CASP8: variants seen among roughly 807,000 people sequenced by gnomAD.
CASP8 encodes caspase-8.
A neutral mutation model predicts 46.3 loss-of-function variants in CASP8; 24 were observed. That is an observed-to-expected ratio of 0.52 (90% CI 0.38 to 0.73). The LOEUF (loss-of-function observed/expected upper bound fraction) is 0.73, where lower values mean the gene tolerates loss of function less well. Ranked by LOEUF, CASP8 falls within the 30% of genes least tolerant of loss-of-function variation. The pLI is 0.00. For missense variants in CASP8, 460 were observed against 559.0 expected (o/e 0.82, Z 1.79); for synonymous variants, 188 against 200.4 (o/e 0.94, Z 0.52).
intron 7 of CASP8, among the ~76,000 whole-genome samples, chr2:201,281,079 C>T (rs980839574): frequency 8.5e-5 from 13 of 152,066 alleles, no homozygotes; most frequent in African/African-American, 2.9e-4. Flanking sequence ...TTTGGGAGGC[C>T]AAGGTGGGTG....
upstream of CASP8, chr2:201,258,347 C>T (rs767472565): frequency 1.1e-5 from 17 of 1,613,844 alleles, no homozygotes; most frequent in Admixed American, 1.7e-5. Context: ...TTAGGGGACT[C>T]GGAGACTGCG....
At position 201,271,906 on chromosome 2, in the gene CASP8, A is replaced by C. The variant is rs13386521; in HGVS notation, c.411+285A>C. ...TGGGAAAGACTGCGGTGGGTCTGAG[A>C]TATTTCCTCCACTTCTGCAGTCCCC... On this transcript the variant is annotated intron_variant, in intron 3 of 8. Coordinates refer to ENST00000673742, the MANE Select transcript of CASP8 (RefSeq NM_001372051.1). Among the ~76,000 whole-genome samples the C allele has an allele frequency of 0.049, 7,530 of 152,234 alleles. 438 individuals carry two copies. The highest frequency in any genetic ancestry group is 0.14 in the South Asian group (659 of 4,824).
Position 201,285,051 on chromosome 2 carries a change from T to G in CASP8, c.1038T>G (p.Pro346=), listed in dbSNP as rs768360449. 2.5e-6 allele frequency: 4 copies of G among 1,614,186 alleles called. No homozygotes were observed. Among genetic ancestry groups the G allele is most frequent in the Non-Finnish European group, 3.4e-6 (4 of 1,180,028 alleles). ...LTSQFTGLKC[P]SLAGKPKVFF... is the part of the protein sequence containing the mutation. ...CTCAGTTCACTGGTTTGAAGTGCCC[T>G]TCCCTTGCTGGAAAACCCAAAGTGT... is the stretch of plus-strand genomic sequence containing the variant. Residue 346 remains proline (P), a synonymous_variant, in exon 8 of 9, where the codon CCT becomes CCG. Transcript: ENST00000673742.
chr2:201,258,348 GGAGACTGC>G (rs1174618078), upstream of CASP8: 2 of 1,613,858 alleles, frequency 1.2e-6, no homozygotes, highest in Non-Finnish European at 1.7e-6. Context: ...TAGGGGACTC[GGAGACTGC>G]GATGGTGCCA....
rs540286536 is a variant in CASP8 at position 201,281,933 on chromosome 2, CTTTTTTTT to C, written c.803-2868_803-2861del. ...TGCTCTTGAATTTCTGGTTCAAATT[CTTTTTTTT>C]TTTTTTTTTTTTTTATTGATCATTC... On this transcript the variant is annotated intron_variant, in intron 7 of 8. Transcript: ENST00000673742. 4.6e-5 allele frequency: 12 copies of C among 262,210 alleles called. 1 individual carries two copies. Among genetic ancestry groups the C allele is most frequent in the African/African-American group, 3.8e-4 (8 of 20,884 alleles). 16.2% of individuals were successfully genotyped at this position (262,210 alleles called of 1,614,324 possible).
At chr2:201,259,907 T>C (rs1947267128), upstream of CASP8, among the ~76,000 whole-genome samples, 1 of 151,414 alleles carries the variant, frequency 6.6e-6, no homozygotes, top group South Asian at 2.1e-4. Flanking sequence ...TTTTTTTCAT[T>C]TTAGAATTTT....
At chr2:201,252,526 G>T (rs759497925) in intron 2 of CASP8, among the ~76,000 whole-genome samples, 3 of 152,132 alleles carry the variant, frequency 2.0e-5, no homozygotes, top group Admixed American at 1.3e-4. Context: ...CACCAGTATG[G>T]TTGAGTTTTA....
At chr2:201,258,029 TC>T, upstream of CASP8, 1 of 600,090 alleles carries the variant, frequency 1.7e-6, no homozygotes, top group South Asian at 1.9e-5. Context: ...CATTTCTTGT[TC>T]GAGTGAGTCA....
intron 2 of CASP8, chr2:201,234,214 A>G (rs1311412472): frequency 6.6e-6 from 1 of 152,416 alleles, no homozygotes; most frequent in Non-Finnish European, 1.5e-5. Context: ...AGCAGATGCC[A>G]GTTGGGACCT....
rs2125492706 is a variant in CASP8 at position 201,285,328 on chromosome 2, C to T, written c.1304+11C>T. ...AGAGCGATGTCCTCGGTAAGTTTTG[C>T]CTACTCAGCCCTCCTCACTGTTACA... On this transcript the variant is annotated intron_variant, in intron 8 of 8. Coordinates refer to ENST00000673742, the MANE Select transcript of CASP8 (RefSeq NM_001372051.1). 1 of 1,612,456 alleles carries T rather than the reference C, an allele frequency of 6.2e-7. No individual in the cohort carries two copies. Among genetic ancestry groups the T allele is most frequent in the Non-Finnish European group, 8.5e-7 (1 of 1,179,964 alleles).
chr2:201,281,690 T>C (rs1428006955), intron 7 of CASP8: 3 of 422,602 alleles, frequency 7.1e-6, no homozygotes, highest in Non-Finnish European at 1.3e-5. Context: ...ATTGTTTTGT[T>C]TTTTTCTGAT....
intron 7 of CASP8, among the ~76,000 whole-genome samples, chr2:201,282,838 C>T (rs1949188993): frequency 1.2e-5 from 1 of 85,704 alleles, no homozygotes; most frequent in Non-Finnish European, 2.8e-5. Context: ...CCACCTCCCT[C>T]CCGGACGGGG....
chr2:201,236,548 T>C (rs1460744612), intron 2 of CASP8, among the ~76,000 whole-genome samples: 1 of 152,134 alleles, frequency 6.6e-6, no homozygotes, highest in African/African-American at 2.4e-5. Context: ...CCCTAATAAT[T>C]CCACCAGAGG....
In CASP8 at chr2:201,286,856, T is replaced by A. The variant is rs1323300367; in HGVS notation, c.*262T>A. 16 of 397,876 alleles carry A rather than the reference T, an allele frequency of 4.0e-5. No individual in the cohort carries two copies. Among genetic ancestry groups the A allele is most frequent in the Non-Finnish European group, 9.6e-6 (2 of 209,232 alleles). 24.6% of individuals were successfully genotyped at this position (397,876 alleles called of 1,614,324 possible). ...GGGTGGTCTTGATCTCCTGACCTCG[T>A]GATCCACCCACCTCGGCCTCCCAAA... On this transcript the variant is annotated 3_prime_UTR_variant, in exon 9 of 9. Transcript: ENST00000673742.
chr2:201,285,708 A>G (rs894595152), intron 8 of CASP8, among the ~76,000 whole-genome samples: 4 of 152,234 alleles, frequency 2.6e-5, no homozygotes, highest in Non-Finnish European at 5.9e-5. Flanking sequence ...AGCCAATTCA[A>G]CTAGTTTTGG....
In CASP8 at chr2:201,236,901, T is replaced by G. The variant is rs866576720; in HGVS notation, c.-27+2789T>G. ...GATGACAGGCGTGGGCCACTGTGCC[T>G]GGCCAGACAGAAGTTTTCAAGTAAA... is the stretch of plus-strand genomic sequence containing the variant. On this transcript the variant is annotated intron_variant, in intron 2 of 6. Transcript: ENST00000264274. Among the ~76,000 whole-genome samples the G allele has an allele frequency of 3.0e-4, 45 of 152,030 alleles. 1 individual carries two copies. The highest frequency in any genetic ancestry group is 8.3e-4 in the South Asian group (4 of 4,826).
At chr2:201,277,140 C>A in intron 7 of CASP8, 172 bp downstream of exon 7, 2 of 517,410 alleles carry the variant, frequency 3.9e-6, no homozygotes, top group Non-Finnish European at 6.9e-6. Context: ...CAGTTTCCTG[C>A]TTTTTTTAAA....
chr2:201,239,706 T>G (rs563973984), intron 2 of CASP8, among the ~76,000 whole-genome samples: 6 of 152,166 alleles, frequency 3.9e-5, no homozygotes, highest in Non-Finnish European at 7.4e-5. Flanking sequence ...ATTTTTTCCC[T>G]TTTCAAGCAA....
chr2:201,248,954 C>T (rs1007968643), intron 2 of CASP8, among the ~76,000 whole-genome samples: 1 of 152,112 alleles, frequency 6.6e-6, no homozygotes, highest in African/African-American at 2.4e-5. Flanking sequence ...TGCAGTGCTG[C>T]GATCTTGGCT....
Sources: allele counts gnomAD v4.1 joint callset (sites outside exome capture counted in the v4.1 genomes callset), GRCh38; gene constraint gnomAD v4.1.1; transcripts MANE v1.5; gene names NCBI Gene and HGNC (gene_info 2026-07-23, HGNC 2026-07-21).